DHRS7B: variants seen among roughly 807,000 people sequenced by gnomAD.
The protein encoded by DHRS7B is dehydrogenase/reductase 7B, also known as peroxisomal reductase activating PPAR-gamma.
A neutral mutation model predicts 26.4 loss-of-function variants in DHRS7B; 24 were observed. That is an observed-to-expected ratio of 0.91 (90% confidence interval 0.66 to 1.28). The LOEUF is 1.28. Among genes scored for constraint, DHRS7B ranks in the 50% most tolerant of loss-of-function variants. The pLI, the probability that DHRS7B is intolerant of heterozygous loss-of-function variation, is 0.00. For missense variants in DHRS7B, 368 were observed against 419.4 expected, an observed-to-expected ratio of 0.88 and a Z score of 1.07; for synonymous variants, 142 against 166.4, an observed-to-expected ratio of 0.85 and a Z score of 1.13.
chr17:21,152,689 G>A (rs1173146028), intron 1 of DHRS7B, among the ~76,000 whole-genome samples: 2 of 152,218 alleles, frequency 1.3e-5, no homozygotes, highest in Admixed American at 6.5e-5. Context: ...AACAATGCCT[G>A]CCCTCAGGAG....
At chr17:21,140,369 A>C (rs893121829) in intron 1 of DHRS7B, among the ~76,000 whole-genome samples, 2 of 151,930 alleles carry the variant, frequency 1.3e-5, no homozygotes, top group African/African-American at 4.8e-5. Context: ...CGTAGCCTTA[A>C]ATTTGCATGT....
chr17:21,128,680 C>T (rs2143830999), intron 1 of DHRS7B: 1 of 152,154 alleles, frequency 6.6e-6, no homozygotes, highest in African/African-American at 2.4e-5. Flanking sequence ...GCCTGGGCGA[C>T]ATAGTGAGAC....
At position 21,183,064 on chromosome 17, in the gene DHRS7B, C is replaced by G. The variant is rs556239061; in HGVS notation, c.310-530C>G. Among the ~76,000 whole-genome samples, 60 of 152,322 alleles carry G rather than the reference C, an allele frequency of 3.9e-4. No homozygotes were observed. The South Asian group carries it at 4.6e-3, about 12-fold the overall frequency. On this transcript the variant is annotated intron_variant, in intron 3 of 6. Transcript: ENST00000395511. ...TTTTGATTACTGATCCAATCTCTAT[C>G]TGTTAGAAGTCTCCTGAGATTTTTT...
chr17:21,139,580 A>T (rs1404281712), intron 1 of DHRS7B, among the ~76,000 whole-genome samples: 1 of 152,126 alleles, frequency 6.6e-6, no homozygotes, highest in East Asian at 1.9e-4. Context: ...AGGCTAAGGC[A>T]GGAGAATCAC....
At chr17:21,130,633 A>G (rs539942521) in intron 1 of DHRS7B, among the ~76,000 whole-genome samples, 48 of 152,240 alleles carry the variant, frequency 3.2e-4, no homozygotes, top group African/African-American at 1.0e-3. Context: ...AAGGAAGGAG[A>G]GAAGATCTCT....
intron 3 of DHRS7B, among the ~76,000 whole-genome samples, chr17:21,180,106 G>A (rs1974484747): frequency 2.2e-5 from 3 of 136,550 alleles, no homozygotes; most frequent in African/African-American, 5.6e-5. Flanking sequence ...AGGGAGTCTC[G>A]CTCTGTCACC....
intron 1 of DHRS7B, among the ~76,000 whole-genome samples, chr17:21,155,261 A>G (rs1287210068): frequency 6.6e-6 from 1 of 152,238 alleles, no homozygotes; most frequent in African/African-American, 2.4e-5. Context: ...AACTTTAAGT[A>G]TAAAGACACA....
At chr17:21,129,488 GTGAGGCCAGGAGTT>G (rs1973179316) in intron 1 of DHRS7B, among the ~76,000 whole-genome samples, 1 of 151,902 alleles carries the variant, frequency 6.6e-6, no homozygotes, top group Non-Finnish European at 1.5e-5. Context: ...GGAGGATCAT[GTGAGGCCAGGAGTT>G]TGAGACTAGC....
At position 21,138,081 on chromosome 17, in the gene DHRS7B, T is replaced by A. The variant is rs141794916; in HGVS notation, c.20+11090T>A. 8.5e-3 allele frequency among the ~76,000 whole-genome samples: 800 copies of A among 94,574 alleles called. 32 individuals are homozygous for A. Among genetic ancestry groups the A allele is most frequent in the African/African-American group, 0.017 (336 of 20,170 alleles). The allele number at this position is 94,574 out of a possible 152,430, so 62.0% of individuals were successfully genotyped here. On this transcript the variant is annotated intron_variant, in intron 1 of 6. Coordinates refer to ENST00000395511, the MANE Select transcript of DHRS7B (RefSeq NM_015510.5). Reference sequence around the variant, plus strand: ...CGGCCTCTTTTAAAAAAAAAATATATATATATATATATATATATATACACA... The same window carrying A: ...CGGCCTCTTTTAAAAAAAAAATATAAATATATATATATATATATATACACA...
At chr17:21,169,470 C>A (rs77860432) in intron 1 of DHRS7B, among the ~76,000 whole-genome samples, 9,339 of 152,256 alleles carry the variant, frequency 0.061, 360 homozygotes, top group Non-Finnish European at 0.088. Context: ...CTCACAACTT[C>A]AGCTCAGAGG....
At chr17:21,188,609 A>T in intron 5 of DHRS7B, 102 bp from the exon 6 acceptor site, 4 of 1,302,252 alleles carry the variant, frequency 3.1e-6, no homozygotes, top group Non-Finnish European at 4.2e-6. Flanking sequence ...AAATAAAACC[A>T]GGTTTTCAAA....
chr17:21,189,389 G>A (rs1187771686), intron 6 of DHRS7B, among the ~76,000 whole-genome samples: 3 of 152,152 alleles, frequency 2.0e-5, no homozygotes, highest in Admixed American at 6.5e-5. Flanking sequence ...CACCACTCGC[G>A]GGCAGAGCAG....
chr17:21,172,273 A>C, intron 2 of DHRS7B, 77 bp downstream of exon 2: 3 of 1,520,344 alleles, frequency 2.0e-6, no homozygotes, highest in Non-Finnish European at 2.7e-6. Flanking sequence ...CTGCACAGGG[A>C]CCACCAGCGC....
At chr17:21,132,336 T>TAAAAA (rs56350315) in intron 1 of DHRS7B, among the ~76,000 whole-genome samples, 31 of 133,888 alleles carry the variant, frequency 2.3e-4, no homozygotes, top group African/African-American at 9.0e-4. Flanking sequence ...CCCCATCTCT[T>TAAAAA]AAAAAAAAAA....
chr17:21,151,468 A>T (rs758698822), intron 1 of DHRS7B, among the ~76,000 whole-genome samples: 3 of 150,574 alleles, frequency 2.0e-5, no homozygotes, highest in Non-Finnish European at 3.0e-5. Context: ...AGCCGAGATC[A>T]CACCACTGCA....
At chr17:21,162,353 G>A (rs1057273396) in intron 1 of DHRS7B, among the ~76,000 whole-genome samples, 5 of 152,174 alleles carry the variant, frequency 3.3e-5, no homozygotes, top group Non-Finnish European at 7.3e-5. Context: ...AGTTAAAATG[G>A]ACTGTGAGAA....
intron 6 of DHRS7B, among the ~76,000 whole-genome samples, chr17:21,189,147 C>G (rs1974719793): frequency 6.6e-6 from 1 of 152,162 alleles, no homozygotes; most frequent in Admixed American, 6.5e-5. Flanking sequence ...GCTGAAATGC[C>G]AACAGACTTC....
chr17:21,171,788 A>G, intron 1 of DHRS7B: 2 of 659,524 alleles, frequency 3.0e-6, no homozygotes, highest in Admixed American at 2.1e-5. Context: ...GAGGGGCAGC[A>G]TGAGGCCTGT....
intron 1 of DHRS7B, among the ~76,000 whole-genome samples, chr17:21,163,152 C>T (rs1425768544): frequency 1.3e-5 from 2 of 151,370 alleles, no homozygotes; most frequent in East Asian, 1.9e-4. Flanking sequence ...ACCGAGATCG[C>T]GCCACTGCAC....
Sources: gnomAD v4.1 joint callset for allele counts (sites outside exome capture counted in the v4.1 genomes callset) on GRCh38, gnomAD v4.1.1 for gene constraint, MANE v1.5 for transcripts, NCBI Gene and HGNC (gene_info 2026-07-23, HGNC 2026-07-21) for gene names.